Variants in UGT1A3 observed in about 807,000 individuals in gnomAD.
UGT1A3 encodes UDP glucuronosyltransferase family 1 member A3.
Under a neutral mutation model 41.0 loss-of-function variants are expected in UGT1A3, and 31 were observed. The observed-to-expected ratio is 0.76, with a 90% confidence interval of 0.57 to 1.02. The LOEUF is 1.02. UGT1A3 is among the 50% of genes least tolerant of loss of function. The pLI, the probability that UGT1A3 is intolerant of heterozygous loss-of-function variation, is 0.00. For missense variants in UGT1A3, 737 were observed against 671.0 expected (o/e 1.10, Z -1.09); for synonymous variants, 262 against 257.6 (o/e 1.02, Z -0.17).
At chr2:233,750,930 T>C (rs542704180) in intron 1 of UGT1A3, among the ~76,000 whole-genome samples, 12 of 151,872 alleles carry the variant, frequency 7.9e-5, no homozygotes, top group Non-Finnish European at 1.5e-4. Context: ...AAATGTGAGG[T>C]TGGAGCCCCC....
At chr2:233,734,101 TATA>T (rs549143261) in intron 1 of UGT1A3, among the ~76,000 whole-genome samples, 12 of 151,314 alleles carry the variant, frequency 7.9e-5, no homozygotes, top group South Asian at 4.2e-4. Flanking sequence ...AAACTTAAAG[TATA>T]ATAATAATAA....
intron 1 of UGT1A3, chr2:233,742,922 C>G (rs1038154831): frequency 2.7e-5 from 5 of 188,274 alleles, no homozygotes; most frequent in African/African-American, 1.2e-4. Context: ...AAGTGCTGAA[C>G]TGAACATTCT....
chr2:233,730,043 T>A (rs766678673), intron 1 of UGT1A3, 50 bp downstream of exon 1: 9 of 1,612,624 alleles, frequency 5.6e-6, no homozygotes, highest in South Asian at 2.2e-5. Context: ...AAACACTTTT[T>A]AAAAAAATGT....
chr2:233,765,014 C>G (rs1352821222), intron 1 of UGT1A3, among the ~76,000 whole-genome samples: 2 of 151,988 alleles, frequency 1.3e-5, no homozygotes, highest in Non-Finnish European at 1.5e-5. Context: ...CCAAATCAGG[C>G]TTGGCAGGAG....
intron 1 of UGT1A3, among the ~76,000 whole-genome samples, chr2:233,766,739 C>T (rs1028534873): frequency 6.6e-6 from 1 of 152,120 alleles, no homozygotes; most frequent in East Asian, 1.9e-4. Context: ...TGTGTATGTA[C>T]AGGTGTGTGC....
chr2:233,744,850 C>T (rs534580707), intron 1 of UGT1A3, among the ~76,000 whole-genome samples: 1 of 152,016 alleles, frequency 6.6e-6, no homozygotes, highest in African/African-American at 2.4e-5. Context: ...GCAGAGTAGT[C>T]CTTGGTATTC....
intron 1 of UGT1A3, chr2:233,742,923 T>C (rs1692137211): frequency 5.3e-6 from 1 of 189,486 alleles, no homozygotes; most frequent in Admixed American, 5.4e-5. Context: ...AGTGCTGAAC[T>C]GAACATTCTG....
intron 1 of UGT1A3, among the ~76,000 whole-genome samples, chr2:233,744,317 G>C (rs1444655221): frequency 6.6e-6 from 1 of 151,846 alleles, no homozygotes; most frequent in East Asian, 1.9e-4. Flanking sequence ...GAAGAGGGTG[G>C]TGGGAGTGAG....
chr2:233,737,815 G>A lies in UGT1A3; in HGVS notation c.867+7822G>A, dbSNP rs147002980. Among the ~76,000 whole-genome samples, 731 of 152,128 alleles carry A rather than the reference G, an allele frequency of 4.8e-3. 11 individuals carry two copies. The highest frequency in any genetic ancestry group is 0.017 in the African/African-American group (690 of 41,476). On this transcript the variant is annotated intron_variant, in intron 1 of 4. Coordinates refer to ENST00000482026, the MANE Select transcript of UGT1A3 (RefSeq NM_019093.4). ...AAATCTTCACTATCATCTCAGTGGA[G>A]CAGAACAAATTGGGAACTGTGGCAC...
chr2:233,752,662 G>T (rs1695027689), intron 1 of UGT1A3: 5 of 152,258 alleles, frequency 3.3e-5, no homozygotes, highest in Admixed American at 2.0e-4. Flanking sequence ...TGAGGAGGAA[G>T]GATCACTTGA....
chr2:233,767,878 A>G lies in UGT1A3; in HGVS notation c.1029A>G (p.Pro343=), dbSNP rs747062491. ...TGTGGCGGTACACTGGAACCCGACC[A>G]TCGAATCTTGCGAACAACACGATAC... ...TVLWRYTGTR[P]SNLANNTILV... The change falls in exon 3 of 5, where the codon CCA becomes CCG. Residue 343 remains proline, a synonymous_variant. Transcript: ENST00000482026. 6.2e-7 allele frequency: 1 copy of G among 1,614,032 alleles called. No individual in the cohort carries two copies. The highest frequency in any genetic ancestry group is 1.7e-5 in the Admixed American group (1 of 59,990).
At chr2:233,748,060 A>G in intron 1 of UGT1A3, 2 of 1,613,404 alleles carry the variant, frequency 1.2e-6, no homozygotes, top group Non-Finnish European at 1.7e-6. Flanking sequence ...AACTGTGCCA[A>G]CAGGAAGCCA....
In UGT1A3 at chr2:233,769,590, G is replaced by A; in HGVS notation, c.1307+1151G>A. On this transcript the variant is annotated intron_variant, in intron 4 of 4. Coordinates refer to ENST00000482026, the MANE Select transcript of UGT1A3 (RefSeq NM_019093.4). This position sits in a 1 kb window ranked among gnomAD's most constrained non-coding sequence, Gnocchi z 4.4. Reference sequence around the variant, plus strand: ...GCTGGAGCATGTTCAGATGAGAGGAGACGGAACACGGGGACACACCAGCTT... The same window carrying A: ...GCTGGAGCATGTTCAGATGAGAGGAAACGGAACACGGGGACACACCAGCTT... 6.2e-7 allele frequency: 1 copy of A among 1,612,882 alleles called. No individual in the cohort carries two copies. Among genetic ancestry groups the A allele is most frequent in the African/African-American group, 1.3e-5 (1 of 75,046 alleles).
At chr2:233,761,231 T>A in intron 1 of UGT1A3, 1 of 1,613,202 alleles carries the variant, frequency 6.2e-7, no homozygotes. Flanking sequence ...GCCCCAGATA[T>A]ATGCTGAGCA....
At chr2:233,746,994 G>C (rs922899059) in intron 1 of UGT1A3, among the ~76,000 whole-genome samples, 7 of 151,864 alleles carry the variant, frequency 4.6e-5, no homozygotes, top group African/African-American at 1.7e-4. Context: ...GGTCAGATGA[G>C]TTTTTCAAGT....
At chr2:233,768,767 A>G (rs1699720630) in intron 4 of UGT1A3, among the ~76,000 whole-genome samples, 1 of 151,722 alleles carries the variant, frequency 6.6e-6, no homozygotes, top group South Asian at 2.1e-4. Context: ...ATTTTTTAGT[A>G]GAGAAAGGGT....
chr2:233,772,291 G>A lies in UGT1A3; in HGVS notation c.1337G>A (p.Ser446Asn), dbSNP rs1248654212. 6.2e-7 allele frequency: 1 copy of A among 1,614,228 alleles called. No individual in the cohort carries two copies. The highest frequency in any genetic ancestry group is 1.1e-5 in the South Asian group (1 of 91,084). The change falls in exon 5 of 5, where the codon AGC becomes AAC. Residue 446 changes from serine (S) to asparagine (N), a missense_variant. Ser to Asn is a conservative substitution (Grantham distance 46, BLOSUM62 1). Transcript: ENST00000482026. ...SYKENIMRLS[S>N]LHKDRPVEPL... ...AAGGAGAACATCATGCGCCTCTCCAGCCTTCACAAGGACCGCCCGGTGGAG... is the reference window on the plus strand; with the variant it reads ...AAGGAGAACATCATGCGCCTCTCCAACCTTCACAAGGACCGCCCGGTGGAG...
rs1482422312 is a variant in UGT1A3, at chr2:233,772,303, A to G, written c.1349A>G (p.Asp450Gly). 3 of 1,614,112 alleles carry G rather than the reference A, an allele frequency of 1.9e-6. No individual in the cohort carries two copies. Among genetic ancestry groups the G allele is most frequent in the Non-Finnish European group, 2.5e-6 (3 of 1,180,052 alleles). The change falls in exon 5 of 5, where the codon GAC becomes GGC. Residue 450 changes from aspartate to glycine, a missense_variant. Transcript: ENST00000482026. Reference sequence around the variant, plus strand: ...ATGCGCCTCTCCAGCCTTCACAAGGACCGCCCGGTGGAGCCGCTGGACCTG... The same window carrying G: ...ATGCGCCTCTCCAGCCTTCACAAGGGCCGCCCGGTGGAGCCGCTGGACCTG... ...NIMRLSSLHK[D>G]RPVEPLDLAV...
intron 1 of UGT1A3, chr2:233,747,358 G>T: frequency 6.2e-7 from 1 of 1,603,224 alleles, no homozygotes; most frequent in African/African-American, 1.3e-5. Context: ...GAGGCCGTGC[G>T]GGAGCTCCAT....
Sources: allele counts gnomAD v4.1 joint callset (sites outside exome capture counted in the v4.1 genomes callset), GRCh38; gene constraint gnomAD v4.1.1; non-coding constraint Gnocchi (gnomAD v3.1); transcripts MANE v1.5; gene names NCBI Gene and HGNC (gene_info 2026-07-23, HGNC 2026-07-21).